METTL15: variants seen among roughly 807,000 people sequenced by gnomAD.
METTL15 encodes methyltransferase 15, mitochondrial 12S rRNA N4-cytidine, also known as 12S rRNA N(4)-cytidine methyltransferase METTL15.
METTL15 carries 34 observed loss-of-function variants against 38.3 expected under a neutral mutation model. The ratio of observed to expected loss-of-function variants is 0.89; its 90% CI spans 0.68 to 1.18. The LOEUF is 1.18. METTL15 is among the 50% of genes most tolerant of loss of function. The probability of loss-of-function intolerance (pLI) is 0.00; values close to 1 mark genes in which losing one functional copy is unlikely to be tolerated. For missense variants in METTL15, 438 were observed against 498.4 expected, an observed-to-expected ratio of 0.88 and a Z score of 1.15; for synonymous variants, 162 against 170.9, an observed-to-expected ratio of 0.95 and a Z score of 0.41.
At chr11:28,121,877 A>G (rs1180850899) in intron 3 of METTL15, among the ~76,000 whole-genome samples, 1 of 152,060 alleles carries the variant, frequency 6.6e-6, no homozygotes, top group Non-Finnish European at 1.5e-5. Context: ...TTTGGGATAA[A>G]TGTAGCATTT....
chr11:28,491,568 G>C (rs925189405), intron 6 of METTL15, among the ~76,000 whole-genome samples: 2 of 152,084 alleles, frequency 1.3e-5, no homozygotes, highest in African/African-American at 2.4e-5. Context: ...TGCAAAAATA[G>C]AGGGGCAGAA....
chr11:28,232,033 A>G (rs933374408), intron 4 of METTL15, among the ~76,000 whole-genome samples: 1 of 151,936 alleles, frequency 6.6e-6, no homozygotes, highest in Non-Finnish European at 1.5e-5. Context: ...TAGAAATTAG[A>G]TATAATGGGC....
At chr11:28,319,098 G>A (rs1849372005) in intron 6 of METTL15, among the ~76,000 whole-genome samples, 1 of 152,116 alleles carries the variant, frequency 6.6e-6, no homozygotes, top group Non-Finnish European at 1.5e-5. Flanking sequence ...TCTCCCCAAG[G>A]GAAATGTAGG....
At chr11:28,232,969 C>G (rs190533839) in intron 4 of METTL15, among the ~76,000 whole-genome samples, 103 of 152,088 alleles carry the variant, frequency 6.8e-4, no homozygotes, top group African/African-American at 2.3e-3. Flanking sequence ...AGAATAAGGA[C>G]TAGTCTAAGC....
intron 4 of METTL15, among the ~76,000 whole-genome samples, chr11:28,239,968 T>A (rs1206846220): frequency 6.6e-6 from 1 of 152,210 alleles, no homozygotes; most frequent in African/African-American, 2.4e-5. Context: ...AGGAGTATTT[T>A]TCCCTTACTG....
chr11:28,391,034 TG>T (rs757362576), intron 5 of METTL15, among the ~76,000 whole-genome samples: 1 of 152,166 alleles, frequency 6.6e-6, no homozygotes, highest in Non-Finnish European at 1.5e-5. Flanking sequence ...GCTGTTTGTC[TG>T]TTATTGGTGT....
At chr11:28,242,384 G>A (rs1277453197) in intron 4 of METTL15, among the ~76,000 whole-genome samples, 1 of 152,028 alleles carries the variant, frequency 6.6e-6, no homozygotes, top group African/African-American at 2.4e-5. Flanking sequence ...AATTTAAAAA[G>A]CCCAAATGCA....
intron 3 of METTL15, among the ~76,000 whole-genome samples, chr11:28,147,298 G>A (rs2133678031): frequency 6.6e-6 from 1 of 151,900 alleles, no homozygotes; most frequent in East Asian, 1.9e-4. Context: ...TCTAGTGCCA[G>A]ATTCAGGCGT....
chr11:28,335,324 G>T (rs1478174332), downstream of METTL15, among the ~76,000 whole-genome samples: 2 of 152,122 alleles, frequency 1.3e-5, no homozygotes, highest in South Asian at 2.1e-4. Flanking sequence ...AAAACCGAGG[G>T]TTTGAATTCC....
chr11:28,489,961 GT>G (rs1304332119), intron 6 of METTL15, among the ~76,000 whole-genome samples: 1 of 152,108 alleles, frequency 6.6e-6, no homozygotes, highest in East Asian at 1.9e-4. Flanking sequence ...CTGTTCCTGC[GT>G]TTTCCTCCAT....
chr11:28,398,022 A>C (rs186095124), intron 5 of METTL15, among the ~76,000 whole-genome samples: 61 of 152,104 alleles, frequency 4.0e-4, no homozygotes, highest in African/African-American at 1.4e-3. Flanking sequence ...TCTCACTCAT[A>C]GATGGGAATT....
At chr11:28,441,737 T>C (rs982546838) in intron 6 of METTL15, among the ~76,000 whole-genome samples, 12 of 152,108 alleles carry the variant, frequency 7.9e-5, no homozygotes, top group Non-Finnish European at 1.6e-4. Flanking sequence ...ACATCACTTA[T>C]TTAAAAAAAA....
At chr11:28,476,707 G>GAT (rs1311543412) in intron 6 of METTL15, among the ~76,000 whole-genome samples, 3 of 152,110 alleles carry the variant, frequency 2.0e-5, no homozygotes, top group Non-Finnish European at 4.4e-5. Flanking sequence ...ATCCTACCCT[G>GAT]GTCACATGTT....
intron 5 of METTL15, among the ~76,000 whole-genome samples, chr11:28,375,960 C>T (rs1409578111): frequency 6.6e-6 from 1 of 151,994 alleles, no homozygotes; most frequent in Non-Finnish European, 1.5e-5. Context: ...GTTCAGTTTC[C>T]ATGTAGTTGA....
chr11:28,194,122 A>ATCGATCTTTCTTTCTTTCTTTCTT (rs1851800453), intron 3 of METTL15, among the ~76,000 whole-genome samples: 1 of 99,078 alleles, frequency 1.0e-5, no homozygotes, highest in Non-Finnish European at 2.0e-5. Context: ...TTGATGGTTG[A>ATCGATCTTTCTTTCTTTCTTTCTT]TCTTTCTTTC....
chr11:28,170,780 C>T (rs1031607555), intron 3 of METTL15, among the ~76,000 whole-genome samples: 1 of 152,182 alleles, frequency 6.6e-6, no homozygotes, highest in Non-Finnish European at 1.5e-5. Flanking sequence ...TCATTTTCAT[C>T]GCTATCTTGG....
intron 6 of METTL15, among the ~76,000 whole-genome samples, chr11:28,436,000 T>G (rs1238538683): frequency 6.6e-6 from 1 of 152,234 alleles, no homozygotes; most frequent in Non-Finnish European, 1.5e-5. Flanking sequence ...GAATAGCTAG[T>G]CTTTAATTTA....
intron 5 of METTL15, among the ~76,000 whole-genome samples, chr11:28,367,258 T>A (rs981482112): frequency 6.7e-6 from 1 of 148,214 alleles, no homozygotes; most frequent in African/African-American, 2.5e-5. Context: ...AAACCTGCAG[T>A]ACACAGACAG....
At chr11:28,133,814 C>G (rs1472573274) in intron 3 of METTL15, among the ~76,000 whole-genome samples, 2 of 152,102 alleles carry the variant, frequency 1.3e-5, no homozygotes, top group East Asian at 1.9e-4. Context: ...TTAGAATCAC[C>G]TGGTTAAGCT....
Sources: allele counts gnomAD v4.1 joint callset (sites outside exome capture counted in the v4.1 genomes callset), GRCh38; gene constraint gnomAD v4.1.1; transcripts MANE v1.5; gene names NCBI Gene and HGNC (gene_info 2026-07-23, HGNC 2026-07-21).